NMNAT2: variants seen among roughly 807,000 people sequenced by gnomAD.
NMNAT2 encodes nicotinamide nucleotide adenylyltransferase 2, also known as nicotinamide/nicotinic acid mononucleotide adenylyltransferase 2.
In NMNAT2, 11 loss-of-function variants were observed where a neutral mutation model predicts 41.6. The observed-to-expected ratio is 0.26, with a 90% CI of 0.17 to 0.44. The LOEUF (loss-of-function observed/expected upper bound fraction) is 0.44. Among genes scored for constraint, NMNAT2 ranks in the 20% least tolerant of loss-of-function variants. The pLI is 1.00. For missense variants in NMNAT2, 288 were observed against 407.7 expected (o/e 0.71, Z 2.53); for synonymous variants, 148 against 151.2 (o/e 0.98, Z 0.16).
chr1:183,341,748 C>CAAAAACAAAAACAAAAAA (rs369432128), intron 1 of NMNAT2, among the ~76,000 whole-genome samples: 1 of 79,794 alleles, frequency 1.3e-5, no homozygotes, highest in African/African-American at 4.4e-5. Flanking sequence ...AAAAAAAAAA[C>CAAAAACAAAAACAAAAAA]CTGTTTCCTT....
intron 1 of NMNAT2, among the ~76,000 whole-genome samples, chr1:183,353,563 T>C (rs1161687312): frequency 2.0e-5 from 3 of 152,174 alleles, no homozygotes; most frequent in South Asian, 4.1e-4. Context: ...GTGGTGTTTC[T>C]GGGGCCTCTA....
At chr1:183,370,921 C>G (rs1663524097) in intron 1 of NMNAT2, among the ~76,000 whole-genome samples, 1 of 152,156 alleles carries the variant, frequency 6.6e-6, no homozygotes, top group Non-Finnish European at 1.5e-5. Flanking sequence ...GTTGAGGATG[C>G]TGGGGAGGTT....
Position 183,357,098 on chromosome 1 carries a change from G to A in NMNAT2, c.85+61085C>T, listed in dbSNP as rs560130921. ...TGATTTGGGACGGCTATGGTGAGGT[G>A]GGGGGCAGAATGTGGAGAACGTTGG... is the stretch of plus-strand genomic sequence containing the variant. On this transcript the variant is annotated intron_variant, in intron 1 of 10. Coordinates refer to ENST00000287713, the MANE Select transcript of NMNAT2 (RefSeq NM_015039.4). Among the ~76,000 whole-genome samples the A allele has an allele frequency of 5.3e-5, 8 of 152,244 alleles. No homozygotes were observed. In the East Asian group the frequency reaches 1.5e-3, roughly 29 times the overall value.
Position 183,368,613 on chromosome 1 carries a change from C to T in NMNAT2, c.85+49570G>A, listed in dbSNP as rs78314906. 1.1e-3 allele frequency among the ~76,000 whole-genome samples: 170 copies of T among 152,320 alleles called. 2 individuals carry two copies. The East Asian group carries it at 0.026, about 24-fold the overall frequency. On this transcript the variant is annotated intron_variant, in intron 1 of 10. Coordinates refer to ENST00000287713, the MANE Select transcript of NMNAT2 (RefSeq NM_015039.4). ...CTGTCTTCCCTCCTCTGTCCCATAA[C>T]ATGCCACTAGCCATTCCTGATCTCA...
At chr1:183,365,179 G>T (rs984254826) in intron 1 of NMNAT2, among the ~76,000 whole-genome samples, 1 of 152,140 alleles carries the variant, frequency 6.6e-6, no homozygotes, top group Non-Finnish European at 1.5e-5. Context: ...GGCAGGAAAA[G>T]TGGAGGTGGC....
At chr1:183,276,009 G>T (rs1287032591) in intron 8 of NMNAT2, among the ~76,000 whole-genome samples, 1 of 152,128 alleles carries the variant, frequency 6.6e-6, no homozygotes, top group Non-Finnish European at 1.5e-5. Flanking sequence ...TTGCAGAAAC[G>T]GGGACTAGTT....
At chr1:183,280,792 T>C (rs1661246462) in intron 7 of NMNAT2, among the ~76,000 whole-genome samples, 1 of 139,646 alleles carries the variant, frequency 7.2e-6, no homozygotes, top group East Asian at 2.1e-4. Context: ...TTTTTTTTTT[T>C]TTTTTTTTTG....
chr1:183,358,032 A>G (rs1663234253), intron 1 of NMNAT2, among the ~76,000 whole-genome samples: 1 of 152,228 alleles, frequency 6.6e-6, no homozygotes, highest in Non-Finnish European at 1.5e-5. Flanking sequence ...ATACCCATCA[A>G]TGATAGATTG....
In NMNAT2 at chr1:183,292,868, A is replaced by G. The variant is rs1661579325; in HGVS notation, c.175-11T>C. On this transcript the variant is annotated splice_polypyrimidine_tract_variant and intron_variant, in intron 2 of 10. Coordinates refer to ENST00000287713, the MANE Select transcript of NMNAT2 (RefSeq NM_015039.4). ...GCTTGACACGAGGCCCTGGGAAGCAACAGAGCAATCATTGGGAGACTCCCT... is the reference window on the plus strand; with the variant it reads ...GCTTGACACGAGGCCCTGGGAAGCAGCAGAGCAATCATTGGGAGACTCCCT... The G allele has an allele frequency of 6.2e-7, 1 of 1,613,886 alleles. No homozygotes were observed. The highest frequency in any genetic ancestry group is 2.2e-5 in the East Asian group (1 of 44,864).
At chr1:183,264,620 C>G (rs894759536) in intron 8 of NMNAT2, among the ~76,000 whole-genome samples, 1 of 152,146 alleles carries the variant, frequency 6.6e-6, no homozygotes, top group African/African-American at 2.4e-5. Context: ...CCCCAAAGCA[C>G]GCCTTGCTCA....
At chr1:183,400,243 A>T (rs1648771154) in intron 1 of NMNAT2, among the ~76,000 whole-genome samples, 1 of 152,210 alleles carries the variant, frequency 6.6e-6, no homozygotes, top group African/African-American at 2.4e-5. Flanking sequence ...ATGTGCAAAA[A>T]TCACAAGCAT....
chr1:183,399,426 T>A (rs1302929803), intron 1 of NMNAT2, among the ~76,000 whole-genome samples: 1 of 152,086 alleles, frequency 6.6e-6, no homozygotes, highest in Non-Finnish European at 1.5e-5. Flanking sequence ...ATTAATAGCC[T>A]ACCAACCAAA....
At chr1:183,253,190 ATAT>A (rs1660435723) in intron 10 of NMNAT2, among the ~76,000 whole-genome samples, 1 of 149,728 alleles carries the variant, frequency 6.7e-6, no homozygotes, top group South Asian at 2.1e-4. Context: ...AGATACACAT[ATAT>A]TATCATCATA....
intron 1 of NMNAT2, among the ~76,000 whole-genome samples, chr1:183,347,128 C>T (rs1289510713): frequency 6.6e-6 from 1 of 152,158 alleles, no homozygotes; most frequent in Non-Finnish European, 1.5e-5. Context: ...AGAGAACAAA[C>T]TCCTGGCTCA....
intron 1 of NMNAT2, among the ~76,000 whole-genome samples, chr1:183,401,579 G>A (rs1258499020): frequency 6.6e-6 from 1 of 152,108 alleles, no homozygotes; most frequent in Non-Finnish European, 1.5e-5. Flanking sequence ...ATACCCAAAG[G>A]AATATAAATT....
rs201161178 is a variant in NMNAT2 at position 183,249,585 on chromosome 1, C to T, written c.*3056G>A. Reference sequence around the variant, plus strand: ...TGGGGCACCACTTCAGACTCTGAATCATCTTTCTGGTATTGACTGTGGCTG... The same window carrying T: ...TGGGGCACCACTTCAGACTCTGAATTATCTTTCTGGTATTGACTGTGGCTG... On this transcript the variant is annotated 3_prime_UTR_variant, in exon 11 of 11. Transcript: ENST00000287713. The T allele has an allele frequency of 6.6e-6, 1 of 151,924 alleles. No individual in the cohort carries two copies. Among genetic ancestry groups the T allele is most frequent in the Non-Finnish European group, 1.5e-5 (1 of 68,106 alleles). 9.4% of individuals were successfully genotyped at this position (151,924 alleles called of 1,614,324 possible).
At chr1:183,410,489 G>A (rs541859974) in intron 1 of NMNAT2, among the ~76,000 whole-genome samples, 1 of 152,130 alleles carries the variant, frequency 6.6e-6, no homozygotes, top group Admixed American at 6.5e-5. Flanking sequence ...CTGACATTTG[G>A]GATGCAGGTC....
rs1557883705 is a variant in NMNAT2 at position 183,341,738 on chromosome 1, A to AAAAAC, written c.86-47946_86-47945insGTTTT. ...ACAAACAAACACCAAAAAAAAAAAA[A>AAAAAC]AAAAAAAAACCTGTTTCCTTCACTC... On this transcript the variant is annotated intron_variant, in intron 1 of 10. Coordinates refer to ENST00000287713, the MANE Select transcript of NMNAT2 (RefSeq NM_015039.4). Among the ~76,000 whole-genome samples the AAAAAC allele has an allele frequency of 2.5e-3, 352 of 142,050 alleles. 15 individuals carry two copies. The highest frequency in any genetic ancestry group is 8.6e-3 in the African/African-American group (337 of 39,094). The allele number at this position is 142,050 out of a possible 152,430, so 93.2% of individuals were successfully genotyped here. A position where few individuals can be genotyped will look rare whatever the true frequency, so the allele number is the denominator to read the frequency against.
At chr1:183,352,139 T>C (rs1663071892) in intron 1 of NMNAT2, among the ~76,000 whole-genome samples, 1 of 152,112 alleles carries the variant, frequency 6.6e-6, no homozygotes, top group Non-Finnish European at 1.5e-5. Flanking sequence ...CAGGGAGAGC[T>C]CATCAGGGGT....
Sources: gnomAD v4.1 joint callset for allele counts (sites outside exome capture counted in the v4.1 genomes callset) on GRCh38, gnomAD v4.1.1 for gene constraint, MANE v1.5 for transcripts, NCBI Gene and HGNC (gene_info 2026-07-23, HGNC 2026-07-21) for gene names.